Variants in FBXO38 observed in about 807,000 individuals in gnomAD.
FBXO38 encodes F-box protein 38.
A neutral mutation model predicts 131.9 loss-of-function variants in FBXO38; 53 were observed. That is an observed-to-expected ratio of 0.40 (90% CI 0.32 to 0.51). FBXO38 has a LOEUF of 0.51. Ranked by LOEUF, FBXO38 falls within the 20% of genes least tolerant of loss-of-function variation. FBXO38 has a pLI of 0.53. For synonymous variants in FBXO38, 452 were observed against 505.6 expected (o/e 0.89, Z 1.42); for missense variants, 1,076 against 1,475.6 (o/e 0.73, Z 4.44).
At chr5:148,428,369 C>T (rs1753845565) in intron 15 of FBXO38, among the ~76,000 whole-genome samples, 1 of 152,102 alleles carries the variant, frequency 6.6e-6, no homozygotes, top group Non-Finnish European at 1.5e-5. Context: ...CTGTGTATAC[C>T]CCTCTTTCTG....
intron 12 of FBXO38, among the ~76,000 whole-genome samples, chr5:148,423,529 A>G (rs1256813155): frequency 6.6e-6 from 1 of 152,198 alleles, no homozygotes; most frequent in Non-Finnish European, 1.5e-5. Context: ...AGGCAAGGTC[A>G]TTTCTCATTT....
At chr5:148,389,124 A>G (rs1758064647) in intron 1 of FBXO38, among the ~76,000 whole-genome samples, 1 of 152,192 alleles carries the variant, frequency 6.6e-6, no homozygotes, top group Non-Finnish European at 1.5e-5. Flanking sequence ...TTAGAACGAC[A>G]CCATATTTAT....
rs763560734 is a variant in FBXO38 at position 148,409,212 on chromosome 5, C to A, written c.957C>A (p.Ala319=). Residue 319 remains alanine, a synonymous_variant, in exon 8 of 22, where the codon GCC becomes GCA. Transcript: ENST00000340253. ...TTGGTTACCTCATCATTACTGCTGC[C>A]CGTAGGTATGTTTCCTCTTTGTATT... ...VDLGYLIITA[A]RRLHEVRIQP... is the part of the protein sequence containing the mutation. 2 of 1,587,156 alleles carry A rather than the reference C, an allele frequency of 1.3e-6. No homozygotes were observed. The highest frequency in any genetic ancestry group is 1.7e-6 in the Non-Finnish European group (2 of 1,155,726).
At chr5:148,421,325 T>A (rs1479388576) in intron 12 of FBXO38, among the ~76,000 whole-genome samples, 1 of 152,176 alleles carries the variant, frequency 6.6e-6, no homozygotes, top group Non-Finnish European at 1.5e-5. Flanking sequence ...GGGACTATAC[T>A]TTGAAAACCA....
intron 8 of FBXO38, 63 bp downstream of exon 8, chr5:148,409,280 C>T: frequency 8.8e-7 from 1 of 1,137,056 alleles, no homozygotes; most frequent in South Asian, 1.2e-5. Flanking sequence ...CCCTATTTTA[C>T]AAAAAATTGT....
At chr5:148,391,428 C>A (rs1486951512) in intron 1 of FBXO38, among the ~76,000 whole-genome samples, 1 of 152,102 alleles carries the variant, frequency 6.6e-6, no homozygotes, top group African/African-American at 2.4e-5. Flanking sequence ...ATGAAGGAGT[C>A]AGTAGGGGAA....
chr5:148,439,417 A>G (rs1432323647), intron 18 of FBXO38, among the ~76,000 whole-genome samples: 2 of 152,236 alleles, frequency 1.3e-5, no homozygotes, highest in Non-Finnish European at 2.9e-5. Flanking sequence ...TTTAGTAGGC[A>G]TTTAAATATA....
chr5:148,424,248 G>GTTCTCAGTAATCAAT, intron 13 of FBXO38, 131 bp downstream of exon 13: 1 of 900,506 alleles, frequency 1.1e-6, no homozygotes, highest in Non-Finnish European at 1.7e-6. Flanking sequence ...ATTGATTACT[G>GTTCTCAGTAATCAAT]AGAACTGTAA....
intron 15 of FBXO38, 47 bp from the exon 16 acceptor site, chr5:148,433,377 G>T: frequency 7.2e-7 from 1 of 1,385,120 alleles, no homozygotes; most frequent in Non-Finnish European, 1.0e-6. Flanking sequence ...TTGAGGGAAA[G>T]AAAGCAAGGC....
intron 1 of FBXO38, chr5:148,385,094 T>A (rs1425167689): frequency 6.6e-6 from 1 of 152,082 alleles, no homozygotes; most frequent in African/African-American, 2.4e-5. Flanking sequence ...AAGGAGGAGG[T>A]CCAGTCTGGA....
In FBXO38 at chr5:148,417,139, A is replaced by C. The variant is rs763426088; in HGVS notation, c.1553A>C (p.Asp518Ala). 1 of 1,613,854 alleles carries C rather than the reference A, an allele frequency of 6.2e-7. No homozygotes were observed. Among genetic ancestry groups the C allele is most frequent in the South Asian group, 1.1e-5 (1 of 91,088 alleles). Residue 518 changes from aspartate (D) to alanine (A), a missense_variant, in exon 12 of 22, where the codon GAC becomes GCC. Around this residue, in one of 8 missense-constraint regions of FBXO38, gnomAD observed 212 missense variants for 221.2 expected, o/e 0.96. Transcript: ENST00000340253. ...GACAACAATCACCATCATCCAGATG[A>C]CTCAGACGAGGAGAATGACTTTCGG... ...IHDNNHHHPD[D>A]SDEENDFRQD...
At chr5:148,424,193 G>T in intron 13 of FBXO38, 76 bp downstream of exon 13, 1 of 1,440,014 alleles carries the variant, frequency 6.9e-7, no homozygotes, top group Non-Finnish European at 9.4e-7. Context: ...GAGACAGCGA[G>T]AATGATTGTT....
chr5:148,387,690 C>CTTTTTTTTTT (rs142417126), intron 1 of FBXO38, among the ~76,000 whole-genome samples: 1 of 126,684 alleles, frequency 7.9e-6, no homozygotes, highest in Non-Finnish European at 1.7e-5. Context: ...GAATTTATTT[C>CTTTTTTTTTT]TTTTTTTTTT....
rs759341080 is a variant in FBXO38 at position 148,386,363 on chromosome 5, T to C, written c.-64+2324T>C. On this transcript the variant is annotated intron_variant, in intron 1 of 21. Transcript: ENST00000340253. ...ATCTTGGGCAAGTGATTTGTCACCTTATCCTCTCTGGTTCTGTTTGTTCAT... is the reference window on the plus strand; with the variant it reads ...ATCTTGGGCAAGTGATTTGTCACCTCATCCTCTCTGGTTCTGTTTGTTCAT... 7.2e-5 allele frequency among the ~76,000 whole-genome samples: 11 copies of C among 152,286 alleles called. No homozygotes were observed. In the South Asian group the frequency reaches 1.2e-3, roughly 17 times the overall value.
chr5:148,399,222 A>G (rs1008181166), intron 3 of FBXO38, 90 bp downstream of exon 3: 18 of 1,449,758 alleles, frequency 1.2e-5, no homozygotes, highest in Non-Finnish European at 1.7e-5. Context: ...GTCTTGAGAA[A>G]GGCAATCTAA....
intron 7 of FBXO38, among the ~76,000 whole-genome samples, chr5:148,407,369 T>A (rs1240004381): frequency 1.3e-5 from 2 of 152,138 alleles, no homozygotes; most frequent in African/African-American, 4.8e-5. Context: ...TTTTTAAGGG[T>A]GACCCTGCCT....
intron 18 of FBXO38, 129 bp downstream of exon 18, chr5:148,438,627 GT>G: frequency 1.1e-6 from 1 of 911,334 alleles, no homozygotes; most frequent in Non-Finnish European, 1.6e-6. Context: ...TGATATTTTA[GT>G]TTTTACAGGT....
chr5:148,397,059 A>C (rs2113514392), intron 2 of FBXO38, among the ~76,000 whole-genome samples: 1 of 152,312 alleles, frequency 6.6e-6, no homozygotes, highest in East Asian at 1.9e-4. Flanking sequence ...CCATGAACTT[A>C]GTTCTTGAAC....
Position 148,394,919 on chromosome 5 carries a change from G to A in FBXO38, c.128+15G>A. 1 of 1,557,380 alleles carries A rather than the reference G, an allele frequency of 6.4e-7. No homozygotes were observed. The highest frequency in any genetic ancestry group is 8.7e-7 in the Non-Finnish European group (1 of 1,151,496). ...CATATTTTTAGGTAAGATTGTGTTT[G>A]GTTGGCTTACCTGCCTGGAATGGAT... On this transcript the variant is annotated intron_variant, in intron 2 of 21. Transcript: ENST00000340253.
Sources: allele counts gnomAD v4.1 joint callset (sites outside exome capture counted in the v4.1 genomes callset), GRCh38; gene constraint gnomAD v4.1.1; regional missense constraint gnomAD v4.1.1; transcripts MANE v1.5; gene names NCBI Gene and HGNC (gene_info 2026-07-23, HGNC 2026-07-21).